SENP7: variants seen among roughly 807,000 people sequenced by gnomAD.
The protein encoded by SENP7 is sentrin-specific protease 7.
In SENP7, 64 loss-of-function variants were observed where a neutral mutation model predicts 141.2. That is an observed-to-expected ratio of 0.45 (90% CI 0.37 to 0.56). The LOEUF is 0.56. Among genes scored for constraint, SENP7 ranks in the 20% least tolerant of loss-of-function variants. SENP7 has a pLI of 0.00. For missense variants in SENP7, 1,025 were observed against 1,212.2 expected (o/e 0.85, Z 2.29); for synonymous variants, 382 against 426.4 (o/e 0.90, Z 1.28).
intron 3 of SENP7, among the ~76,000 whole-genome samples, chr3:101,485,921 A>C (rs1461155322): frequency 2.0e-5 from 3 of 152,192 alleles, no homozygotes; most frequent in Non-Finnish European, 4.4e-5. Context: ...GAAAAAAAAC[A>C]ATAAAAAGTT....
chr3:101,398,430 A>G (rs2061034987), intron 6 of SENP7, among the ~76,000 whole-genome samples: 1 of 152,240 alleles, frequency 6.6e-6, no homozygotes, highest in African/African-American at 2.4e-5. Context: ...ACTGCACTCC[A>G]GCCTGGGCGA....
chr3:101,457,603 T>C (rs1042505616), intron 4 of SENP7: 10 of 1,575,732 alleles, frequency 6.3e-6, no homozygotes, highest in African/African-American at 5.4e-5. Context: ...AACTGAAGTT[T>C]TTTATCATCT....
intron 13 of SENP7, among the ~76,000 whole-genome samples, chr3:101,346,936 TGTTTAAAAAAA>T (rs2059474604): frequency 6.7e-6 from 1 of 148,272 alleles, no homozygotes; most frequent in Non-Finnish European, 1.5e-5. Flanking sequence ...GATTTCAATC[TGTTTAAAAAAA>T]GGAGGAGGAG....
chr3:101,450,429 C>T (rs564932700), intron 4 of SENP7, among the ~76,000 whole-genome samples: 18 of 152,250 alleles, frequency 1.2e-4, no homozygotes, highest in African/African-American at 7.2e-5. Flanking sequence ...AGCACCACAC[C>T]GCACTTATTC....
intron 3 of SENP7, among the ~76,000 whole-genome samples, chr3:101,476,276 T>C (rs530395794): frequency 2.0e-5 from 3 of 148,724 alleles, no homozygotes; most frequent in Non-Finnish European, 4.5e-5. Context: ...AAGGCCCCAG[T>C]GTGTGATGTT....
chr3:101,421,217 T>C (rs759412412), intron 4 of SENP7, among the ~76,000 whole-genome samples: 42 of 152,082 alleles, frequency 2.8e-4, no homozygotes, highest in Non-Finnish European at 5.1e-4. Context: ...CCAAAAAATG[T>C]ATGTATATGT....
At chr3:101,355,282 G>A (rs1041547843) in intron 11 of SENP7, among the ~76,000 whole-genome samples, 8 of 152,008 alleles carry the variant, frequency 5.3e-5, no homozygotes, top group African/African-American at 1.9e-4. Context: ...TGAAATCTTT[G>A]CCTGTGCCTA....
At chr3:101,431,564 A>C (rs1315715665) in intron 4 of SENP7, among the ~76,000 whole-genome samples, 2 of 127,458 alleles carry the variant, frequency 1.6e-5, no homozygotes, top group African/African-American at 6.2e-5. Context: ...TTCCTACATC[A>C]CTTGAGGTCA....
chr3:101,399,112 T>A, intron 5 of SENP7, 57 bp from the exon 6 acceptor site: 1 of 1,100,974 alleles, frequency 9.1e-7, no homozygotes. Flanking sequence ...TAAAAAAAAA[T>A]GTATTCCAGG....
chr3:101,383,701 A>T (rs1266350442), intron 6 of SENP7, among the ~76,000 whole-genome samples: 1 of 152,134 alleles, frequency 6.6e-6, no homozygotes, highest in Non-Finnish European at 1.5e-5. Context: ...CCCCCTCTGG[A>T]CTTTGGGGGC....
chr3:101,513,070 C>T (rs759683840), intron 1 of SENP7, 21 bp downstream of exon 1: 3 of 1,613,114 alleles, frequency 1.9e-6, no homozygotes, highest in South Asian at 1.1e-5. Context: ...TATGTTCAGC[C>T]CTTCTCTGAC....
intron 4 of SENP7, among the ~76,000 whole-genome samples, chr3:101,442,294 AT>A: frequency 6.6e-6 from 1 of 152,292 alleles, no homozygotes; most frequent in South Asian, 2.1e-4. Context: ...AGGGAAGACA[AT>A]TTTTCCACAG....
Position 101,399,073 on chromosome 3 carries a change from A to C in SENP7, c.483-18T>G. On this transcript the variant is annotated intron_variant, in intron 5 of 23. Transcript: ENST00000394095. ...TGGGTATCCTGTCACATAGAATAACAAACACTGTACTGTACTGAAGTTTTC... is the reference window on the plus strand; with the variant it reads ...TGGGTATCCTGTCACATAGAATAACCAACACTGTACTGTACTGAAGTTTTC... 1.3e-6 allele frequency: 2 copies of C among 1,582,524 alleles called. No individual in the cohort carries two copies. The highest frequency in any genetic ancestry group is 2.3e-5 in the South Asian group (2 of 88,534).
At chr3:101,505,164 G>A (rs2065550706) in intron 1 of SENP7, among the ~76,000 whole-genome samples, 1 of 152,212 alleles carries the variant, frequency 6.6e-6, no homozygotes, top group South Asian at 2.1e-4. Flanking sequence ...CATGGACATA[G>A]AGTGTGGAAT....
intron 1 of SENP7, among the ~76,000 whole-genome samples, chr3:101,512,317 A>AT (rs1296419134): frequency 1.3e-5 from 2 of 152,232 alleles, no homozygotes; most frequent in Admixed American, 1.3e-4. Flanking sequence ...GAAATGTTTG[A>AT]TAAAAACTTC....
In SENP7 at chr3:101,348,017, G is replaced by T. The variant is rs143327738; in HGVS notation, c.1692C>A (p.Thr564=). 29 of 1,602,048 alleles carry T rather than the reference G, an allele frequency of 1.8e-5. No homozygotes were observed. Among genetic ancestry groups the T allele is most frequent in the Non-Finnish European group, 2.0e-5 (24 of 1,175,348 alleles). Residue 564 remains threonine, a synonymous_variant, in exon 13 of 24, where the codon ACC becomes ACA. Transcript: ENST00000394095. ...ATAACCCAAACCGCTTTAAATGTGT[G>T]GTATCCACTAGCAATGAAATCTCAT... ...SLNEISLLVD[T]THLKRFGLWK...
chr3:101,507,842 A>G (rs1263659171), intron 1 of SENP7, among the ~76,000 whole-genome samples: 2 of 151,996 alleles, frequency 1.3e-5, no homozygotes, highest in Non-Finnish European at 2.9e-5. Flanking sequence ...TGATATCAAG[A>G]GATAGAGACC....
intron 11 of SENP7, chr3:101,357,400 C>A (rs1368172827): frequency 4.1e-6 from 3 of 738,320 alleles, no homozygotes; most frequent in Non-Finnish European, 7.1e-6. Context: ...CTAAGCCAGA[C>A]CTGATGACCT....
rs183589589 is a variant in SENP7 at position 101,367,269 on chromosome 3, G to A, written c.979-500C>T. On this transcript the variant is annotated intron_variant, in intron 8 of 23. Coordinates refer to ENST00000394095, the MANE Select transcript of SENP7 (RefSeq NM_020654.5). ...CAACCCAAAAACATTACAAGGTCCT[G>A]AAATGATTTATGGATCAAAGAAATT... Among the ~76,000 whole-genome samples, 7 of 152,204 alleles carry A rather than the reference G, an allele frequency of 4.6e-5. No individual in the cohort carries two copies. The East Asian group carries it at 7.7e-4, about 17-fold the overall frequency.
Sources: gnomAD v4.1 joint callset for allele counts (sites outside exome capture counted in the v4.1 genomes callset) on GRCh38, gnomAD v4.1.1 for gene constraint, MANE v1.5 for transcripts, NCBI Gene and HGNC (gene_info 2026-07-23, HGNC 2026-07-21) for gene names.